CHD7: variants seen among roughly 807,000 people sequenced by gnomAD.
CHD7 encodes ATP-dependent chromatin remodeler CHD7.
CHD7 carries 24 observed loss-of-function variants against 307.3 expected under a neutral mutation model. The observed-to-expected ratio is 0.08, with a 90% CI of 0.06 to 0.11. The LOEUF is 0.11. Among genes scored for constraint, CHD7 ranks in the 10% least tolerant of loss-of-function variants. The pLI, the probability that CHD7 is intolerant of heterozygous loss-of-function variation, is 1.00. For missense variants in CHD7, 3,106 were observed against 3,727.1 expected (o/e 0.83, Z 4.34); for synonymous variants, 1,363 against 1,349.9 (o/e 1.01, Z -0.21).
chr8:60,825,786 T>C (rs915008581), intron 13 of CHD7, among the ~76,000 whole-genome samples: 16 of 152,192 alleles, frequency 1.1e-4, no homozygotes, highest in African/African-American at 3.6e-4. Context: ...ATTATTTCAT[T>C]GGTGAGTACA....
At chr8:60,758,038 T>A (rs918648666) in intron 2 of CHD7, among the ~76,000 whole-genome samples, 1 of 152,246 alleles carries the variant, frequency 6.6e-6, no homozygotes, top group African/African-American at 2.4e-5. Context: ...ATTTACCATA[T>A]CAGAAATGAA....
At chr8:60,737,286 G>A (rs1808758547) in intron 1 of CHD7, among the ~76,000 whole-genome samples, 1 of 152,180 alleles carries the variant, frequency 6.6e-6, no homozygotes, top group Non-Finnish European at 1.5e-5. Context: ...TCTATTTGCT[G>A]ATGGCAGCAG....
At chr8:60,755,603 A>G (rs1809853580) in intron 2 of CHD7, among the ~76,000 whole-genome samples, 1 of 152,148 alleles carries the variant, frequency 6.6e-6, no homozygotes, top group Non-Finnish European at 1.5e-5. Flanking sequence ...CAGAAAACCT[A>G]TTTATCTAAT....
At chr8:60,830,717 A>G (rs1021668108) in intron 15 of CHD7, 140 bp downstream of exon 15, 2 of 892,692 alleles carry the variant, frequency 2.2e-6, no homozygotes, top group Non-Finnish European at 3.3e-6. Flanking sequence ...CCAGCTTCCC[A>G]CTTTCTGTGA....
chr8:60,784,024 G>A (rs542333394), intron 3 of CHD7, among the ~76,000 whole-genome samples: 6 of 152,264 alleles, frequency 3.9e-5, no homozygotes, highest in South Asian at 4.1e-4. Flanking sequence ...TGAGTATGTC[G>A]CATTGTGGTC....
chr8:60,829,732 G>A (rs1285542192), intron 14 of CHD7, among the ~76,000 whole-genome samples: 4 of 152,152 alleles, frequency 2.6e-5, no homozygotes, highest in Non-Finnish European at 5.9e-5. Context: ...TGGTTTTTAC[G>A]TGCCCCCTCC....
chr8:60,711,147 T>C (rs1351044944), intron 1 of CHD7, among the ~76,000 whole-genome samples: 1 of 152,238 alleles, frequency 6.6e-6, no homozygotes, highest in Non-Finnish European at 1.5e-5. Context: ...CAAGGAGGGC[T>C]ATTAAAAGGC....
chr8:60,838,092 A>G lies in CHD7; in HGVS notation c.4370A>G (p.Lys1457Arg). The change falls in exon 19 of 38, where the codon AAG becomes AGG. Residue 1457 changes from lysine to arginine, a missense_variant. This residue lies in a region of CHD7 where 93 missense variants were observed against 176.4 expected (regional missense o/e 0.53). Coordinates refer to ENST00000423902, the MANE Select transcript of CHD7 (RefSeq NM_017780.4). The stretch of plus-strand genomic sequence containing the variant: ...CTAAAACAGGTACAACAGCTTTCCA[A>G]GAAAGAAATAGAGGATCTTCTACGA... ...NATNGVQQLS[K>R]KEIEDLLRKG... 1 of 1,511,932 alleles carries G rather than the reference A, an allele frequency of 6.6e-7. No individual in the cohort carries two copies. The highest frequency in any genetic ancestry group is 8.8e-7 in the Non-Finnish European group (1 of 1,130,500). 93.7% of individuals were successfully genotyped at this position (1,511,932 alleles called of 1,614,324 possible).
chr8:60,762,900 A>G (rs1051012323), intron 2 of CHD7, among the ~76,000 whole-genome samples: 2 of 152,026 alleles, frequency 1.3e-5, no homozygotes, highest in African/African-American at 4.8e-5. Flanking sequence ...CTGCTGGAGG[A>G]CGTGTCTTCA....
intron 13 of CHD7, chr8:60,824,618 C>G (rs1047776030): frequency 5.3e-5 from 8 of 152,364 alleles, no homozygotes; most frequent in African/African-American, 1.9e-4. Flanking sequence ...GCCAGCAGGA[C>G]TTGTAGATGC....
intron 26 of CHD7, 118 bp downstream of exon 26, chr8:60,850,740 T>A: frequency 9.8e-7 from 1 of 1,019,116 alleles, no homozygotes; most frequent in Non-Finnish European, 1.5e-6. Context: ...GTTCAGGAGA[T>A]GTTTACCAGT....
At chr8:60,764,747 G>A (rs910161884) in intron 2 of CHD7, among the ~76,000 whole-genome samples, 1 of 152,174 alleles carries the variant, frequency 6.6e-6, no homozygotes, top group Non-Finnish European at 1.5e-5. Context: ...TGATGTAACT[G>A]TAACAAAGAG....
chr8:60,763,999 T>C (rs1810350970), intron 2 of CHD7, among the ~76,000 whole-genome samples: 1 of 152,212 alleles, frequency 6.6e-6, no homozygotes, highest in Non-Finnish European at 1.5e-5. Flanking sequence ...GTTCTTTCTT[T>C]TTTTTTGAGA....
At chr8:60,717,442 G>A (rs956620954) in intron 1 of CHD7, among the ~76,000 whole-genome samples, 1 of 152,178 alleles carries the variant, frequency 6.6e-6, no homozygotes, top group Admixed American at 6.5e-5. Context: ...AAGTAACTGT[G>A]TTCTTGATAT....
At chr8:60,686,394 T>G (rs1805894482) in intron 1 of CHD7, among the ~76,000 whole-genome samples, 1 of 151,724 alleles carries the variant, frequency 6.6e-6, no homozygotes. Context: ...TGTCATTAGG[T>G]CCAGCCAGCA....
intron 34 of CHD7, among the ~76,000 whole-genome samples, chr8:60,857,828 G>A (rs1805781625): frequency 6.6e-6 from 1 of 152,232 alleles, no homozygotes; most frequent in Admixed American, 6.5e-5. Flanking sequence ...TGAACTCAGA[G>A]AAAGCTTAAT....
Position 60,821,800 on chromosome 8 carries a change from A to G in CHD7, c.2708A>G (p.His903Arg). The G allele has an allele frequency of 6.4e-7, 1 of 1,559,528 alleles. No homozygotes were observed. Among genetic ancestry groups the G allele is most frequent in the Non-Finnish European group, 8.7e-7 (1 of 1,151,322 alleles). Reference sequence around the variant, plus strand: ...TTAAATCTGGTCCAGCCTGTGACTCACTATCTGGTGAAGTGGTGTTCACTT... The same window carrying G: ...TTAAATCTGGTCCAGCCTGTGACTCGCTATCTGGTGAAGTGGTGTTCACTT... ...STDDRGEPVT[H>R]YLVKWCSLPY... The change falls in exon 10 of 38, where the codon CAC becomes CGC. Residue 903 changes from histidine to arginine, a missense_variant. Coordinates refer to ENST00000423902, the MANE Select transcript of CHD7 (RefSeq NM_017780.4).
chr8:60,689,200 C>T lies in CHD7; in HGVS notation c.-175+10118C>T, dbSNP rs1449113776. ...GAGTCAAAAAGTAAATAACTGGTAA[C>T]GTGTGGATTTATGGGAGATCCTTGT... is the stretch of plus-strand genomic sequence containing the variant. On this transcript the variant is annotated intron_variant, in intron 1 of 37. Transcript: ENST00000423902. Among the ~76,000 whole-genome samples, 10 of 152,118 alleles carry T rather than the reference C, an allele frequency of 6.6e-5. No individual in the cohort carries two copies. The East Asian group carries it at 7.7e-4, about 12-fold the overall frequency.
intron 21 of CHD7, among the ~76,000 whole-genome samples, chr8:60,843,178 A>G (rs570857526): frequency 4.2e-4 from 64 of 152,334 alleles, no homozygotes; most frequent in Non-Finnish European, 5.9e-4. Flanking sequence ...TGTGTAGTGC[A>G]GTGTGAGCAG....
Sources: gnomAD v4.1 joint callset for allele counts (sites outside exome capture counted in the v4.1 genomes callset) on GRCh38, gnomAD v4.1.1 for gene constraint, gnomAD v4.1.1 regional missense constraint, MANE v1.5 for transcripts, NCBI Gene and HGNC (gene_info 2026-07-23, HGNC 2026-07-21) for gene names.